NUSAP1: variants seen among roughly 807,000 people sequenced by gnomAD.
NUSAP1 encodes nucleolar and spindle associated protein 1, also known as nucleolar and spindle-associated protein 1.
NUSAP1 carries 32 observed loss-of-function variants against 52.8 expected under a neutral mutation model. That is an observed-to-expected ratio of 0.61 (90% CI 0.46 to 0.81). The LOEUF (loss-of-function observed/expected upper bound fraction) is 0.81, where lower values mean the gene tolerates loss of function less well. Among genes scored for constraint, NUSAP1 ranks in the 40% least tolerant of loss-of-function variants. The pLI, the probability that NUSAP1 is intolerant of heterozygous loss-of-function variation, is 0.00. For missense variants in NUSAP1, 499 were observed against 522.3 expected (o/e 0.96, Z 0.43); for synonymous variants, 195 against 183.1 (o/e 1.06, Z -0.52).
chr15:41,363,259 C>A (rs1000272026), intron 6 of NUSAP1, among the ~76,000 whole-genome samples: 3 of 146,336 alleles, frequency 2.1e-5, no homozygotes, highest in Admixed American at 7.0e-5. Flanking sequence ...GCACTCCAGA[C>A]TGGGCGACAG....
intron 10 of NUSAP1, among the ~76,000 whole-genome samples, chr15:41,379,353 A>G (rs1233328140): frequency 2.6e-5 from 4 of 151,692 alleles, no homozygotes; most frequent in South Asian, 2.1e-4. Flanking sequence ...CTGGAGTACA[A>G]TGGCATGATC....
chr15:41,353,640 A>C (rs1287059601), intron 4 of NUSAP1, among the ~76,000 whole-genome samples: 1 of 152,232 alleles, frequency 6.6e-6, no homozygotes, highest in Non-Finnish European at 1.5e-5. Context: ...GGTTGAAAGA[A>C]AAGAAAAAAA....
At chr15:41,353,278 G>A (rs985037442) in intron 4 of NUSAP1, among the ~76,000 whole-genome samples, 3 of 152,018 alleles carry the variant, frequency 2.0e-5, no homozygotes, top group Non-Finnish European at 2.9e-5. Context: ...AACCTCCCAA[G>A]TAGCTGGGAT....
At chr15:41,369,522 C>T (rs1450908050) in intron 7 of NUSAP1, among the ~76,000 whole-genome samples, 2 of 151,972 alleles carry the variant, frequency 1.3e-5, no homozygotes, top group Non-Finnish European at 2.9e-5. Context: ...GTGGTGTGCA[C>T]CTGTAATCCC....
intron 10 of NUSAP1, among the ~76,000 whole-genome samples, chr15:41,377,527 G>T (rs1031029139): frequency 6.8e-6 from 1 of 147,942 alleles, no homozygotes. Flanking sequence ...GTGAAACCCC[G>T]TCTCTACTAA....
intron 1 of NUSAP1, among the ~76,000 whole-genome samples, chr15:41,339,468 C>T (rs1211066382): frequency 1.3e-5 from 2 of 148,462 alleles, no homozygotes; most frequent in East Asian, 2.0e-4. Flanking sequence ...TAGAATGCAA[C>T]GGCATGATCT....
intron 2 of NUSAP1, among the ~76,000 whole-genome samples, chr15:41,347,069 G>A (rs1028325303): frequency 2.0e-5 from 3 of 152,044 alleles, no homozygotes; most frequent in Admixed American, 6.6e-5. Flanking sequence ...CTAGTCATAA[G>A]GCTGAGGCAG....
Position 41,349,107 on chromosome 15 carries a change from C to T in NUSAP1, c.172C>T (p.Gln58Ter). The change falls in exon 3 of 11, where the codon CAA becomes TAA. Residue 58 changes from glutamine (Q) to a stop codon, truncating the protein, a stop_gained. Transcript: ENST00000559596. LOFTEE classifies it high-confidence loss of function. ...RKGNENQDES[Q>*]TSASSCDETE... ...ATACCTCTCTTTTCAGGATGAAAGTCAAACTTCTGCATCCTCTTGTGATGA... is the reference window on the plus strand; with the variant it reads ...ATACCTCTCTTTTCAGGATGAAAGTTAAACTTCTGCATCCTCTTGTGATGA... The T allele has an allele frequency of 6.2e-7, 1 of 1,613,634 alleles. No individual in the cohort carries two copies. The highest frequency in any genetic ancestry group is 8.5e-7 in the Non-Finnish European group (1 of 1,179,720).
chr15:41,362,298 T>C (rs1477890595), intron 6 of NUSAP1, among the ~76,000 whole-genome samples: 1 of 151,762 alleles, frequency 6.6e-6, no homozygotes, highest in Non-Finnish European at 1.5e-5. Flanking sequence ...TATATAGTTA[T>C]AAATCTCTAT....
intron 4 of NUSAP1, among the ~76,000 whole-genome samples, chr15:41,353,388 C>G (rs1379942929): frequency 6.6e-6 from 1 of 152,134 alleles, no homozygotes; most frequent in African/African-American, 2.4e-5. Context: ...GTGATCGGCC[C>G]ACTTCGGCCT....
At chr15:41,369,839 G>A (rs554140072) in intron 7 of NUSAP1, among the ~76,000 whole-genome samples, 1 of 151,710 alleles carries the variant, frequency 6.6e-6, no homozygotes, top group African/African-American at 2.4e-5. Context: ...AGGCCGAGGC[G>A]GGCAGATCAC....
At chr15:41,363,323 GTGTC>G (rs1203458609) in intron 6 of NUSAP1, among the ~76,000 whole-genome samples, 168 of 146,294 alleles carry the variant, frequency 1.1e-3, no homozygotes, top group African/African-American at 4.1e-3. Flanking sequence ...GTCTGTGTGT[GTGTC>G]TCTCTCTCTC....
intron 8 of NUSAP1, among the ~76,000 whole-genome samples, chr15:41,375,112 C>T (rs1435116019): frequency 6.6e-6 from 1 of 151,456 alleles, no homozygotes; most frequent in African/African-American, 2.4e-5. Context: ...CGGATTTAAG[C>T]AATTCCCCTG....
At chr15:41,342,577 CCTATACTCCTAG>C (rs2048403695) in intron 2 of NUSAP1, 123 bp downstream of exon 2, 1 of 713,792 alleles carries the variant, frequency 1.4e-6, no homozygotes, top group South Asian at 1.9e-5. Flanking sequence ...GTGGCTCACG[CCTATACTCCTAG>C]CACTTTGGTA....
chr15:41,361,288 G>A (rs1370457637), intron 6 of NUSAP1, among the ~76,000 whole-genome samples: 1 of 151,818 alleles, frequency 6.6e-6, no homozygotes, highest in Non-Finnish European at 1.5e-5. Context: ...AGCTACTCGG[G>A]AGGCTGAGGC....
At chr15:41,376,349 A>C (rs941110158) in intron 9 of NUSAP1, among the ~76,000 whole-genome samples, 1 of 151,904 alleles carries the variant, frequency 6.6e-6, no homozygotes, top group African/African-American at 2.4e-5. Context: ...CAGTGAGCCG[A>C]GATTGCACCA....
chr15:41,354,496 C>G (rs1051974900), intron 4 of NUSAP1, among the ~76,000 whole-genome samples: 1 of 151,720 alleles, frequency 6.6e-6, no homozygotes, highest in Non-Finnish European at 1.5e-5. Flanking sequence ...CAGTGTGAGT[C>G]CGTCTCAAAA....
rs529802400 is a variant in NUSAP1 at position 41,346,164 on chromosome 15, C to T, written c.163-2934C>T. ...CCATGTTGGCCAGACTGGTCTTGAA[C>T]TCCTGACCTCAAGTGATGTGCCCAC... On this transcript the variant is annotated intron_variant, in intron 2 of 10. Coordinates refer to ENST00000559596, the MANE Select transcript of NUSAP1 (RefSeq NM_016359.5). 1.2e-4 allele frequency among the ~76,000 whole-genome samples: 18 copies of T among 152,020 alleles called. No individual in the cohort carries two copies. In the East Asian group the frequency reaches 3.5e-3, roughly 30 times the overall value.
In NUSAP1 at chr15:41,352,420, A is replaced by C. The variant is rs988699884; in HGVS notation, c.448+1291A>C. On this transcript the variant is annotated intron_variant, in intron 4 of 10. Coordinates refer to ENST00000559596, the MANE Select transcript of NUSAP1 (RefSeq NM_016359.5). The stretch of plus-strand genomic sequence containing the variant: ...GAGAGGATAATTCATTCCAGTATCC[A>C]CCAAGCAGTTAAATCTGGAATTTCT... Among the ~76,000 whole-genome samples the C allele has an allele frequency of 3.3e-5, 5 of 152,202 alleles. No individual in the cohort carries two copies. In the South Asian group the frequency reaches 1.0e-3, roughly 32 times the overall value.
Sources: gnomAD v4.1 joint callset for allele counts (sites outside exome capture counted in the v4.1 genomes callset) on GRCh38, gnomAD v4.1.1 for gene constraint, MANE v1.5 for transcripts, NCBI Gene and HGNC (gene_info 2026-07-23, HGNC 2026-07-21) for gene names.